PCGF5: variants seen among roughly 807,000 people sequenced by gnomAD.
PCGF5 encodes polycomb group RING finger protein 5.
A neutral mutation model predicts 44.3 loss-of-function variants in PCGF5; 9 were observed. The ratio of observed to expected loss-of-function variants is 0.20; its 90% CI spans 0.12 to 0.35. The LOEUF (loss-of-function observed/expected upper bound fraction) is 0.35. Ranked by LOEUF, PCGF5 falls within the 10% of genes least tolerant of loss-of-function variation. PCGF5 has a pLI of 1.00. For missense variants in PCGF5, 146 were observed against 305.3 expected (o/e 0.48, Z 3.89); for synonymous variants, 95 against 102.5 (o/e 0.93, Z 0.44).
intron 1 of PCGF5, among the ~76,000 whole-genome samples, chr10:91,213,818 A>G (rs1417822596): frequency 1.3e-5 from 2 of 151,922 alleles, no homozygotes; most frequent in South Asian, 4.2e-4. Flanking sequence ...ATTAAGTGTT[A>G]TGTACTACAT....
At chr10:91,171,933 C>T (rs1374088480) in intron 1 of PCGF5, among the ~76,000 whole-genome samples, 1 of 152,140 alleles carries the variant, frequency 6.6e-6, no homozygotes, top group Admixed American at 6.5e-5. Flanking sequence ...ATGGAATACA[C>T]CTCCTAAAGC....
intron 6 of PCGF5, among the ~76,000 whole-genome samples, chr10:91,257,461 C>G (rs1589401758): frequency 6.6e-6 from 1 of 151,656 alleles, no homozygotes; most frequent in African/African-American, 2.4e-5. Flanking sequence ...TAGTCCCCCC[C>G]TTATCTGTGG....
intron 2 of PCGF5, among the ~76,000 whole-genome samples, chr10:91,225,748 T>G (rs1379407375): frequency 6.6e-6 from 1 of 152,068 alleles, no homozygotes; most frequent in African/African-American, 2.4e-5. Flanking sequence ...AAGAATACTT[T>G]GCAAGTGGGA....
rs1300774990 is a variant in PCGF5, at chr10:91,199,786, A to G, written c.-183-22903A>G. ...TGTTTGACAGATAGGGAAGTGGAGT[A>G]AATAAACAAAGGAGAATAAATTTTA... On this transcript the variant is annotated intron_variant, in intron 1 of 9. Transcript: ENST00000614189. Among the ~76,000 whole-genome samples the G allele has an allele frequency of 3.4e-5, 5 of 146,330 alleles. No individual in the cohort carries two copies. The Admixed American group carries it at 3.5e-4, about 10-fold the overall frequency.
intron 2 of PCGF5, among the ~76,000 whole-genome samples, chr10:91,231,485 T>C (rs993464044): frequency 6.6e-6 from 1 of 151,648 alleles, no homozygotes; most frequent in Admixed American, 6.6e-5. Flanking sequence ...AGGGGAGAGG[T>C]GTTTCAGGTA....
chr10:91,163,282 C>T (rs1165005992), intron 1 of PCGF5, among the ~76,000 whole-genome samples: 1 of 150,818 alleles, frequency 6.6e-6, no homozygotes, highest in Admixed American at 6.6e-5. Flanking sequence ...GCGGCGCGGC[C>T]GGGCTGGCGG....
chr10:91,233,618 G>A (rs1289175059), intron 2 of PCGF5, among the ~76,000 whole-genome samples: 1 of 152,068 alleles, frequency 6.6e-6, no homozygotes, highest in African/African-American at 2.4e-5. Context: ...GCATGGAAGC[G>A]AATTACAGCT....
intron 2 of PCGF5, among the ~76,000 whole-genome samples, chr10:91,238,796 AC>A (rs1464119053): frequency 1.3e-5 from 2 of 151,268 alleles, no homozygotes; most frequent in Non-Finnish European, 2.9e-5. Flanking sequence ...ACATTTAGAA[AC>A]CCTTTTGGGG....
chr10:91,171,722 A>G (rs1843609761), intron 1 of PCGF5, among the ~76,000 whole-genome samples: 1 of 152,156 alleles, frequency 6.6e-6, no homozygotes, highest in African/African-American at 2.4e-5. Context: ...TTCTGAGGGT[A>G]GTGGTGAAGG....
intron 1 of PCGF5, among the ~76,000 whole-genome samples, chr10:91,188,104 G>A (rs1259886290): frequency 1.3e-5 from 2 of 152,186 alleles, no homozygotes; most frequent in Admixed American, 6.5e-5. Context: ...GAACAGCTCC[G>A]GTCTACAGCT....
intron 1 of PCGF5, among the ~76,000 whole-genome samples, chr10:91,200,617 T>C (rs996215116): frequency 6.6e-6 from 1 of 152,070 alleles, no homozygotes; most frequent in African/African-American, 2.4e-5. Context: ...AGATATTGAG[T>C]CTTGAACACA....
chr10:91,258,172 G>A (rs1478112068), intron 6 of PCGF5, among the ~76,000 whole-genome samples: 1 of 152,052 alleles, frequency 6.6e-6, no homozygotes, highest in African/African-American at 2.4e-5. Context: ...AATAGATTTG[G>A]GTTACTTTTG....
intron 2 of PCGF5, among the ~76,000 whole-genome samples, chr10:91,223,376 C>T (rs11186506): frequency 0.23 from 35,375 of 152,008 alleles, 4,475 homozygotes; most frequent in Non-Finnish European, 0.28. Flanking sequence ...AGACTAGCAG[C>T]ACCAGTGTCA....
Position 91,246,279 on chromosome 10 carries a change from G to A in PCGF5, c.210-2226G>A, listed in dbSNP as rs536556841. Among the ~76,000 whole-genome samples, 9 of 152,256 alleles carry A rather than the reference G, an allele frequency of 5.9e-5. No individual in the cohort carries two copies. In the East Asian group the frequency reaches 1.7e-3, roughly 29 times the overall value. Reference sequence around the variant, plus strand: ...ATTAAATAGTCTGGGAAAACTTTACGAATGACCTTGTCTTGAAGAATAAGG... The same window carrying A: ...ATTAAATAGTCTGGGAAAACTTTACAAATGACCTTGTCTTGAAGAATAAGG... On this transcript the variant is annotated intron_variant, in intron 3 of 9. Transcript: ENST00000336126.
chr10:91,267,783 CT>C (rs1258814775), intron 8 of PCGF5, among the ~76,000 whole-genome samples: 1 of 152,172 alleles, frequency 6.6e-6, no homozygotes, highest in Non-Finnish European at 1.5e-5. Context: ...TAATCATCCA[CT>C]GCCAGCAAGA....
Position 91,280,522 on chromosome 10 carries a change from T to G in PCGF5, c.*2206T>G. 1 of 152,528 alleles carries G rather than the reference T, an allele frequency of 6.6e-6. No homozygotes were observed. Among genetic ancestry groups the G allele is most frequent in the East Asian group, 1.9e-4 (1 of 5,200 alleles). 9.4% of individuals were successfully genotyped at this position (152,528 alleles called of 1,614,324 possible). On this transcript the variant is annotated 3_prime_UTR_variant, in exon 10 of 10. Coordinates refer to ENST00000336126, the MANE Select transcript of PCGF5 (RefSeq NM_032373.5). ...TATTTACTGATAATGCATTAACATT[T>G]TTATTGAAATGCAATGGAATATGTG...
At chr10:91,219,664 G>A (rs1844615826), upstream of PCGF5, among the ~76,000 whole-genome samples, 1 of 152,172 alleles carries the variant, frequency 6.6e-6, no homozygotes, top group African/African-American at 2.4e-5. Context: ...TACGAATGTG[G>A]TCATTTAAAG....
At chr10:91,226,434 A>G (rs1344028340) in intron 2 of PCGF5, among the ~76,000 whole-genome samples, 2 of 152,132 alleles carry the variant, frequency 1.3e-5, no homozygotes, top group Non-Finnish European at 2.9e-5. Flanking sequence ...GAAGCTACAG[A>G]CCATATGCCA....
At chr10:91,210,085 A>G (rs7908154) in intron 1 of PCGF5, among the ~76,000 whole-genome samples, 15 of 152,264 alleles carry the variant, frequency 9.9e-5, no homozygotes, top group African/African-American at 3.6e-4. Flanking sequence ...AATTTCTAAC[A>G]TATAAATGAT....
Sources: allele counts gnomAD v4.1 joint callset (sites outside exome capture counted in the v4.1 genomes callset), GRCh38; gene constraint gnomAD v4.1.1; transcripts MANE v1.5; gene names NCBI Gene and HGNC (gene_info 2026-07-23, HGNC 2026-07-21).